The following NKAIN2 variants were observed in gnomAD, a reference collection of about 807,000 sequenced individuals.
NKAIN2 encodes sodium/potassium-transporting ATPase subunit beta-1-interacting protein 2.
A neutral mutation model predicts 32.6 loss-of-function variants in NKAIN2; 14 were observed. The ratio of observed to expected loss-of-function variants is 0.43; its 90% CI spans 0.28 to 0.67. The LOEUF (loss-of-function observed/expected upper bound fraction) is 0.67. NKAIN2 is among the 30% of genes least tolerant of loss of function. NKAIN2 has a pLI of 0.17. For missense variants in NKAIN2, 198 were observed against 258.3 expected (o/e 0.77, Z 1.60); for synonymous variants, 80 against 87.2 (o/e 0.92, Z 0.46).
chr6:124,778,090 G>T (rs1243028881), intron 4 of NKAIN2, among the ~76,000 whole-genome samples: 1 of 152,034 alleles, frequency 6.6e-6, no homozygotes, highest in Non-Finnish European at 1.5e-5. Flanking sequence ...GCTTTTCTGG[G>T]AGAACAAGTG....
intron 2 of NKAIN2, among the ~76,000 whole-genome samples, chr6:124,351,916 C>CT (rs1798753263): frequency 6.6e-6 from 1 of 151,952 alleles, no homozygotes; most frequent in African/African-American, 2.4e-5. Flanking sequence ...CCACCGCGCC[C>CT]GACCCTACTG....
chr6:124,304,395 G>A (rs1024532051), intron 2 of NKAIN2, among the ~76,000 whole-genome samples: 1 of 151,972 alleles, frequency 6.6e-6, no homozygotes, highest in Non-Finnish European at 1.5e-5. Context: ...CATAACTGAA[G>A]GCAAGAATAT....
At chr6:123,963,322 C>T (rs1041485753) in intron 1 of NKAIN2, among the ~76,000 whole-genome samples, 7 of 152,106 alleles carry the variant, frequency 4.6e-5, no homozygotes, top group South Asian at 2.1e-4. Context: ...CATTGCCTCA[C>T]GAGAAAAATT....
chr6:124,299,140 G>C (rs1005073524), intron 2 of NKAIN2, among the ~76,000 whole-genome samples: 2 of 152,120 alleles, frequency 1.3e-5, no homozygotes, highest in Non-Finnish European at 2.9e-5. Flanking sequence ...GAGAATCCAA[G>C]GCTTCTTTCT....
intron 1 of NKAIN2, among the ~76,000 whole-genome samples, chr6:123,976,151 T>C (rs981993830): frequency 6.6e-6 from 1 of 150,726 alleles, no homozygotes; most frequent in Non-Finnish European, 1.5e-5. Context: ...TCATTAAACC[T>C]CTTTTTCTTT....
intron 3 of NKAIN2, among the ~76,000 whole-genome samples, chr6:124,442,590 A>G (rs982972275): frequency 7.2e-5 from 11 of 152,066 alleles, no homozygotes; most frequent in African/African-American, 2.7e-4. Context: ...TCCCTGAAAT[A>G]CCATTTCTGT....
chr6:123,895,881 C>A (rs6912925), intron 1 of NKAIN2, among the ~76,000 whole-genome samples: 1 of 151,978 alleles, frequency 6.6e-6, no homozygotes, highest in Admixed American at 6.6e-5. Context: ...GTTCGTCTCC[C>A]TTATATGATA....
At chr6:123,988,928 T>A (rs1276385506) in intron 1 of NKAIN2, among the ~76,000 whole-genome samples, 1 of 151,684 alleles carries the variant, frequency 6.6e-6, no homozygotes, top group Admixed American at 6.6e-5. Flanking sequence ...TATTTGCTGC[T>A]GATGATCAAT....
chr6:124,435,067 A>G (rs1414594922), intron 3 of NKAIN2, among the ~76,000 whole-genome samples: 1 of 152,180 alleles, frequency 6.6e-6, no homozygotes, highest in Admixed American at 6.6e-5. Flanking sequence ...ATATTTTGAG[A>G]GAACTAATCA....
At chr6:123,805,098 A>AG (rs2114848508) in intron 1 of NKAIN2, among the ~76,000 whole-genome samples, 1 of 152,304 alleles carries the variant, frequency 6.6e-6, no homozygotes, top group Non-Finnish European at 1.5e-5. Context: ...GGGCAATGGA[A>AG]GGAGGGTCTG....
chr6:124,316,290 A>G (rs1796946633), intron 2 of NKAIN2, among the ~76,000 whole-genome samples: 1 of 152,122 alleles, frequency 6.6e-6, no homozygotes, highest in Non-Finnish European at 1.5e-5. Context: ...TAAAAATTTA[A>G]GAAAGAAAAA....
chr6:124,009,438 C>G (rs959036948), intron 1 of NKAIN2, among the ~76,000 whole-genome samples: 1 of 152,076 alleles, frequency 6.6e-6, no homozygotes, highest in Admixed American at 6.6e-5. Flanking sequence ...CTTGCCCTAC[C>G]AAGTATTTAG....
chr6:124,674,192 G>T lies in NKAIN2; in HGVS notation c.474+15806G>T, dbSNP rs149595034. On this transcript the variant is annotated intron_variant, in intron 4 of 6. Coordinates refer to ENST00000368417, the MANE Select transcript of NKAIN2 (RefSeq NM_001040214.3). ...ATAGGCTTCTTTGGCTTATTTTGGGGCTCTCTACTCTGTTTCATTAGTCTA... is the reference window on the plus strand; with the variant it reads ...ATAGGCTTCTTTGGCTTATTTTGGGTCTCTCTACTCTGTTTCATTAGTCTA... 2.2e-3 allele frequency among the ~76,000 whole-genome samples: 327 copies of T among 151,872 alleles called. 2 individuals carry two copies. The highest frequency in any genetic ancestry group is 6.7e-3 in the African/African-American group (276 of 41,470).
Position 124,823,977 on chromosome 6 carries a change from G to C in NKAIN2, c.*748G>C, listed in dbSNP as rs540463327. On this transcript the variant is annotated 3_prime_UTR_variant, in exon 7 of 7. Transcript: ENST00000368417. ...GAAAAGTGCCAGCTGTCAGCAAAGT[G>C]CTTTACCATAGAGCCTCCATGGTGG... 6.6e-6 allele frequency: 1 copy of C among 152,256 alleles called. No individual in the cohort carries two copies. Among genetic ancestry groups the C allele is most frequent in the East Asian group, 1.9e-4 (1 of 5,166 alleles). 9.4% of individuals were successfully genotyped at this position (152,256 alleles called of 1,614,324 possible). A position where few individuals can be genotyped will look rare whatever the true frequency, so the allele number is the denominator to read the frequency against.
intron 3 of NKAIN2, among the ~76,000 whole-genome samples, chr6:124,628,471 G>T (rs533061541): frequency 3.3e-5 from 5 of 152,048 alleles, no homozygotes; most frequent in South Asian, 2.1e-4. Flanking sequence ...ACTCTTTCAG[G>T]TTCCAAGCAA....
chr6:123,816,331 A>G (rs1268354608), intron 1 of NKAIN2, among the ~76,000 whole-genome samples: 1 of 152,088 alleles, frequency 6.6e-6, no homozygotes, highest in Non-Finnish European at 1.5e-5. Context: ...GTAGATGTTA[A>G]TCATCAAGGC....
chr6:124,431,776 A>G (rs958083760), intron 3 of NKAIN2, among the ~76,000 whole-genome samples: 3 of 152,200 alleles, frequency 2.0e-5, no homozygotes, highest in Non-Finnish European at 2.9e-5. Context: ...ACACACACAC[A>G]TATATAATTG....
intron 1 of NKAIN2, among the ~76,000 whole-genome samples, chr6:123,877,565 C>A (rs1773225413): frequency 6.6e-6 from 1 of 152,184 alleles, no homozygotes; most frequent in Admixed American, 6.5e-5. Flanking sequence ...CAGGTTCAGT[C>A]CCATGCACTC....
chr6:124,198,876 C>T (rs1343481854), intron 1 of NKAIN2, among the ~76,000 whole-genome samples: 1 of 152,070 alleles, frequency 6.6e-6, no homozygotes, highest in Non-Finnish European at 1.5e-5. Context: ...CTATAACTTT[C>T]CAGTGAATTC....
Sources: gnomAD v4.1 joint callset for allele counts (sites outside exome capture counted in the v4.1 genomes callset) on GRCh38, gnomAD v4.1.1 for gene constraint, MANE v1.5 for transcripts, NCBI Gene and HGNC (gene_info 2026-07-23, HGNC 2026-07-21) for gene names.